The following SERINC5 variants were observed in gnomAD, a reference collection of about 807,000 sequenced individuals.
SERINC5 encodes the protein chromosome 5 open reading frame 12.
In SERINC5, 41 loss-of-function variants were observed where a neutral mutation model predicts 63.1. The ratio of observed to expected loss-of-function variants is 0.65; its 90% CI spans 0.51 to 0.84. The LOEUF is 0.84. SERINC5 is among the 40% of genes least tolerant of loss of function. The pLI is 0.00. For synonymous variants in SERINC5, 222 were observed against 215.2 expected (o/e 1.03, Z -0.28); for missense variants, 523 against 573.0 (o/e 0.91, Z 0.89).
At chr5:80,164,908 C>CTTTTTTTTTT (rs1747171665) in intron 7 of SERINC5, among the ~76,000 whole-genome samples, 1 of 89,994 alleles carries the variant, frequency 1.1e-5, no homozygotes, top group African/African-American at 5.2e-5. Flanking sequence ...AACTTTTTTT[C>CTTTTTTTTTT]TGTTTTTTTT....
chr5:80,125,572 T>C (rs114030600), intron 11 of SERINC5, among the ~76,000 whole-genome samples: 373 of 152,258 alleles, frequency 2.4e-3, no homozygotes, highest in African/African-American at 8.6e-3. Context: ...ATGAAGGAAC[T>C]TGAAAGCCGT....
At chr5:80,205,972 G>T (rs1488992477) in intron 1 of SERINC5, among the ~76,000 whole-genome samples, 1 of 77,996 alleles carries the variant, frequency 1.3e-5, no homozygotes, top group Non-Finnish European at 2.6e-5. Flanking sequence ...GTGTGGTGGT[G>T]CACAAAAAAA....
chr5:80,232,395 C>T (rs939999064), intron 1 of SERINC5, among the ~76,000 whole-genome samples: 12 of 138,894 alleles, frequency 8.6e-5, no homozygotes, highest in Admixed American at 3.0e-4. Context: ...CAGAGTGAGA[C>T]TCTGTCTCAA....
chr5:80,176,741 T>C (rs1334213050), intron 4 of SERINC5, among the ~76,000 whole-genome samples: 1 of 152,164 alleles, frequency 6.6e-6, no homozygotes, highest in Non-Finnish European at 1.5e-5. Context: ...CTGGCCTAAA[T>C]GTTTTTAATA....
intron 2 of SERINC5, among the ~76,000 whole-genome samples, chr5:80,190,694 A>G (rs1297311995): frequency 6.6e-6 from 1 of 152,236 alleles, no homozygotes; most frequent in Non-Finnish European, 1.5e-5. Flanking sequence ...CGGACTAGTC[A>G]TGATGTTTGC....
intron 2 of SERINC5, among the ~76,000 whole-genome samples, chr5:80,182,342 G>A (rs888644214): frequency 6.6e-6 from 1 of 152,180 alleles, no homozygotes; most frequent in African/African-American, 2.4e-5. Flanking sequence ...GAAGACACAG[G>A]AGTAGCTCTG....
intron 2 of SERINC5, among the ~76,000 whole-genome samples, chr5:80,182,542 C>CCG (rs1554065187): frequency 2.3e-5 from 1 of 43,406 alleles, no homozygotes; most frequent in Non-Finnish European, 4.4e-5. Context: ...TATCATCTGA[C>CCG]CGCCCCCCCC....
intron 11 of SERINC5, among the ~76,000 whole-genome samples, chr5:80,119,948 A>G (rs1386421435): frequency 6.6e-6 from 1 of 152,116 alleles, no homozygotes; most frequent in Non-Finnish European, 1.5e-5. Flanking sequence ...GTAATACTGG[A>G]AAGAGTAAGA....
At position 80,141,224 on chromosome 5, in the gene SERINC5, C is replaced by T. The variant is rs1452003656; in HGVS notation, c.*2439G>A. On this transcript the variant is annotated 3_prime_UTR_variant, in exon 12 of 12. Coordinates refer to ENST00000507668, the MANE Select transcript of SERINC5 (RefSeq NM_001174072.3). ...AGAATAAAATTCAGAGCAACTGTAA[C>T]TCTTCCTCTTGCATCAGACCAACCG... 51 of 985,340 alleles carry T rather than the reference C, an allele frequency of 5.2e-5. No individual in the cohort carries two copies. Among genetic ancestry groups the T allele is most frequent in the Non-Finnish European group, 6.0e-5 (50 of 829,950 alleles). 61.0% of individuals were successfully genotyped at this position (985,340 alleles called of 1,614,324 possible).
At chr5:80,124,393 A>G (rs1302384222) in intron 11 of SERINC5, among the ~76,000 whole-genome samples, 1 of 152,180 alleles carries the variant, frequency 6.6e-6, no homozygotes. Flanking sequence ...GCCTGCCTTT[A>G]AGTGTCTGCC....
intron 11 of SERINC5, among the ~76,000 whole-genome samples, chr5:80,117,676 T>C (rs1042779252): frequency 6.7e-6 from 1 of 149,308 alleles, no homozygotes. Flanking sequence ...AAACCAGTGA[T>C]TTACAACACA....
chr5:80,140,819 G>T lies in SERINC5; in HGVS notation c.*2844C>A. ...AATCACACAGAGGAAATATTCACAT[G>T]CAGCTTTAAAAAAGTCCTCTTCAAC... is the stretch of plus-strand genomic sequence containing the variant. On this transcript the variant is annotated 3_prime_UTR_variant, in exon 12 of 12. Transcript: ENST00000507668. 1.0e-6 allele frequency: 1 copy of T among 985,280 alleles called. No individual in the cohort carries two copies. The highest frequency in any genetic ancestry group is 1.2e-6 in the Non-Finnish European group (1 of 829,894). 61.0% of individuals were successfully genotyped at this position (985,280 alleles called of 1,614,324 possible).
At chr5:80,244,853 T>C (rs757188871) in intron 1 of SERINC5, among the ~76,000 whole-genome samples, 9 of 151,966 alleles carry the variant, frequency 5.9e-5, no homozygotes, top group Non-Finnish European at 1.0e-4. Flanking sequence ...AAAAGAAACA[T>C]GGTCTCACTC....
At chr5:80,144,998 A>T (rs202240852) in intron 11 of SERINC5, among the ~76,000 whole-genome samples, 1 of 60,126 alleles carries the variant, frequency 1.7e-5, no homozygotes, top group African/African-American at 1.1e-4. Context: ...CTGCCAAGTT[A>T]AAAAAAAAAA....
chr5:80,230,340 G>A (rs1333798940), intron 1 of SERINC5, among the ~76,000 whole-genome samples: 1 of 150,972 alleles, frequency 6.6e-6, no homozygotes, highest in Non-Finnish European at 1.5e-5. Flanking sequence ...GTGGTGGCAT[G>A]CACCAGCTAC....
intron 8 of SERINC5, among the ~76,000 whole-genome samples, chr5:80,154,610 G>T (rs1362895373): frequency 2.6e-5 from 4 of 151,680 alleles, no homozygotes; most frequent in Admixed American, 2.6e-4. Context: ...CCCCATAAAG[G>T]CCCAGAATGT....
Position 80,145,357 on chromosome 5 carries a change from C to T in SERINC5, c.1238+733G>A, listed in dbSNP as rs140690548. Among the ~76,000 whole-genome samples, 1,058 of 147,554 alleles carry T rather than the reference C, an allele frequency of 7.2e-3. 12 individuals carry two copies. Among genetic ancestry groups the T allele is most frequent in the African/African-American group, 0.025 (1,002 of 39,886 alleles). ...GACTCCAACTAAAAACAAAAAAAAA[C>T]TACAGAGGTTTATAAATGCACAGAA... is the stretch of plus-strand genomic sequence containing the variant. On this transcript the variant is annotated intron_variant, in intron 11 of 11. Coordinates refer to ENST00000507668, the MANE Select transcript of SERINC5 (RefSeq NM_001174072.3).
rs1752334700 is a variant in SERINC5, at chr5:80,250,021, T to C, written c.27+5875A>G. Among the ~76,000 whole-genome samples the C allele has an allele frequency of 2.0e-5, 3 of 152,132 alleles. No individual in the cohort carries two copies. In the South Asian group the frequency reaches 6.2e-4, roughly 32 times the overall value. On this transcript the variant is annotated intron_variant, in intron 1 of 11. Transcript: ENST00000507668. The stretch of plus-strand genomic sequence containing the variant: ...ATGTAATATAATGAGGACCTAACAT[T>C]TCCAATCACTATAAACAAAGAGCAA...
chr5:80,138,438 A>C (rs1184542074), downstream of SERINC5, among the ~76,000 whole-genome samples: 1 of 152,066 alleles, frequency 6.6e-6, no homozygotes, highest in Non-Finnish European at 1.5e-5. Context: ...TCTACTAAAA[A>C]TACAAAAATT....
Sources: gnomAD v4.1 joint callset for allele counts (sites outside exome capture counted in the v4.1 genomes callset) on GRCh38, gnomAD v4.1.1 for gene constraint, MANE v1.5 for transcripts, NCBI Gene and HGNC (gene_info 2026-07-23, HGNC 2026-07-21) for gene names.